LRBA: variants seen among roughly 807,000 people sequenced by gnomAD.
LRBA encodes LPS responsive beige-like anchor protein.
A neutral mutation model predicts 330.0 loss-of-function variants in LRBA; 176 were observed. The observed-to-expected ratio is 0.53, with a 90% CI of 0.47 to 0.60. The LOEUF is 0.60. Among genes scored for constraint, LRBA ranks in the 20% least tolerant of loss-of-function variants. The pLI, the probability that LRBA is intolerant of heterozygous loss-of-function variation, is 0.00. For synonymous variants in LRBA, 1,230 were observed against 1,193.0 expected, an observed-to-expected ratio of 1.03 and a Z score of -0.64; for missense variants, 3,259 against 3,444.8, an observed-to-expected ratio of 0.95 and a Z score of 1.35.
chr4:151,010,515 T>C (rs1744698798), intron 2 of LRBA, among the ~76,000 whole-genome samples: 1 of 151,906 alleles, frequency 6.6e-6, no homozygotes, highest in South Asian at 2.1e-4. Context: ...ATAAACAGGG[T>C]AGTAAATTTC....
At chr4:150,726,469 G>A (rs1729689016) in intron 36 of LRBA, among the ~76,000 whole-genome samples, 1 of 152,178 alleles carries the variant, frequency 6.6e-6, no homozygotes, top group Admixed American at 6.5e-5. Flanking sequence ...AATATGCACT[G>A]TATTAGTCCG....
At chr4:150,708,649 T>TA in intron 36 of LRBA, among the ~76,000 whole-genome samples, 1 of 151,950 alleles carries the variant, frequency 6.6e-6, no homozygotes, top group South Asian at 2.1e-4. Context: ...AGCTTTATAG[T>TA]AAAACATGTT....
At chr4:150,685,420 ATTTTTTTTTTT>A (rs70941424) in intron 36 of LRBA, among the ~76,000 whole-genome samples, 32 of 17,430 alleles carry the variant, frequency 1.8e-3, no homozygotes, top group African/African-American at 5.0e-3. Flanking sequence ...ATATATATAT[ATTTTTTTTTTT>A]TTTTTTTTTT....
intron 37 of LRBA, among the ~76,000 whole-genome samples, chr4:150,617,556 C>T (rs1775883632): frequency 6.6e-6 from 1 of 152,064 alleles, no homozygotes; most frequent in South Asian, 2.1e-4. Context: ...GCAGGAGAAT[C>T]GCTTGAACCC....
chr4:150,338,113 G>A (rs1179617127), intron 48 of LRBA, among the ~76,000 whole-genome samples: 1 of 152,136 alleles, frequency 6.6e-6, no homozygotes, highest in East Asian at 1.9e-4. Context: ...AGCTAAGACA[G>A]CATTTGGAAG....
intron 40 of LRBA, among the ~76,000 whole-genome samples, chr4:150,564,008 T>C (rs28797934): frequency 0.08 from 12,172 of 152,206 alleles, 846 homozygotes; most frequent in East Asian, 0.18. Context: ...TACCAATGAC[T>C]TTCTTCACAG....
chr4:150,631,171 A>G (rs1777338885), intron 37 of LRBA, among the ~76,000 whole-genome samples: 1 of 151,874 alleles, frequency 6.6e-6, no homozygotes, highest in Non-Finnish European at 1.5e-5. Context: ...AGTTTAGACT[A>G]TTCTTGATCT....
intron 33 of LRBA, among the ~76,000 whole-genome samples, chr4:150,805,597 AAAGGAAAAG>A (rs1742651139): frequency 7.4e-6 from 1 of 135,728 alleles, no homozygotes; most frequent in Admixed American, 7.3e-5. Flanking sequence ...AAAGGAAAGG[AAAGGAAAAG>A]AAAGGAAAGG....
At chr4:150,722,292 C>T (rs1438401844) in intron 36 of LRBA, among the ~76,000 whole-genome samples, 12 of 152,010 alleles carry the variant, frequency 7.9e-5, no homozygotes, top group Non-Finnish European at 2.9e-5. Context: ...TTTAAGTTTA[C>T]AACACATATA....
chr4:150,729,366 A>C (rs934504822), intron 36 of LRBA, among the ~76,000 whole-genome samples: 4 of 152,194 alleles, frequency 2.6e-5, no homozygotes. Context: ...AACAATCTGA[A>C]CATGAATTCA....
chr4:150,956,948 T>A (rs1022328481), intron 2 of LRBA, among the ~76,000 whole-genome samples: 1 of 149,202 alleles, frequency 6.7e-6, no homozygotes, highest in East Asian at 1.9e-4. Context: ...AGGTATTTTA[T>A]CTTAAAATAC....
At chr4:150,990,700 T>A (rs1033806443) in intron 2 of LRBA, among the ~76,000 whole-genome samples, 1 of 152,066 alleles carries the variant, frequency 6.6e-6, no homozygotes, top group Non-Finnish European at 1.5e-5. Context: ...CACACCAGTG[T>A]ACTTCAGCCT....
Position 150,516,215 on chromosome 4 carries a change from C to CTTTTTTTTTTTT in LRBA, c.6331-25181_6331-25180insAAAAAAAAAAAA, listed in dbSNP as rs1384014823. 5.5e-4 allele frequency among the ~76,000 whole-genome samples: 48 copies of CTTTTTTTTTTTT among 86,674 alleles called. 14 individuals are homozygous for CTTTTTTTTTTTT. Among genetic ancestry groups the CTTTTTTTTTTTT allele is most frequent in the Non-Finnish European group, 7.8e-4 (35 of 45,152 alleles). 56.9% of individuals were successfully genotyped at this position (86,674 alleles called of 152,430 possible). ...GTAATTCAGTCTGACATTTTCTATT[C>CTTTTTTTTTTTT]TCTTTTTTTTTTTTTTTTTTTTTTT... On this transcript the variant is annotated intron_variant, in intron 40 of 56. Coordinates refer to ENST00000651943, the MANE Select transcript of LRBA (RefSeq NM_001364905.1).
chr4:150,838,039 T>C (rs1299749817), intron 28 of LRBA, among the ~76,000 whole-genome samples: 1 of 152,204 alleles, frequency 6.6e-6, no homozygotes, highest in East Asian at 1.9e-4. Context: ...TTATTTCTCC[T>C]TCACTTATGA....
At chr4:150,531,913 T>C (rs1244209672) in intron 40 of LRBA, among the ~76,000 whole-genome samples, 2 of 152,226 alleles carry the variant, frequency 1.3e-5, no homozygotes, top group East Asian at 3.8e-4. Context: ...GCTAGACCTC[T>C]ACCATGCGTA....
At chr4:150,795,458 G>C (rs1385624595) in intron 34 of LRBA, among the ~76,000 whole-genome samples, 5 of 151,962 alleles carry the variant, frequency 3.3e-5, no homozygotes, top group Admixed American at 3.3e-4. Flanking sequence ...AAGAAATAAA[G>C]AGGATTTAAA....
chr4:150,403,147 ATAG>A (rs1164795293), intron 47 of LRBA, among the ~76,000 whole-genome samples: 3 of 152,230 alleles, frequency 2.0e-5, no homozygotes, highest in Non-Finnish European at 4.4e-5. Flanking sequence ...TGCTTTTCAG[ATAG>A]ACTGCCACTG....
At chr4:150,624,803 G>T (rs1776687353) in intron 37 of LRBA, among the ~76,000 whole-genome samples, 2 of 151,892 alleles carry the variant, frequency 1.3e-5, no homozygotes, top group African/African-American at 2.4e-5. Context: ...ACATTATATT[G>T]TACATAAATA....
intron 40 of LRBA, among the ~76,000 whole-genome samples, chr4:150,494,655 G>A (rs185581360): frequency 1.3e-5 from 2 of 152,226 alleles, no homozygotes; most frequent in East Asian, 3.9e-4. Flanking sequence ...TTGAAACACT[G>A]CAAGTGTCAT....
Sources: allele counts gnomAD v4.1 joint callset (sites outside exome capture counted in the v4.1 genomes callset), GRCh38; gene constraint gnomAD v4.1.1; transcripts MANE v1.5; gene names NCBI Gene and HGNC (gene_info 2026-07-23, HGNC 2026-07-21).